Variants in ZFHX3 observed in about 807,000 individuals in gnomAD.
ZFHX3 encodes zinc finger homeobox 3.
In ZFHX3, 42 loss-of-function variants were observed where a neutral mutation model predicts 279.1. The ratio of observed to expected loss-of-function variants is 0.15; its 90% CI spans 0.12 to 0.19. ZFHX3 has a LOEUF of 0.19. Ranked by LOEUF, ZFHX3 falls within the 10% of genes least tolerant of loss-of-function variation. The pLI is 1.00. For synonymous variants in ZFHX3, 2,293 were observed against 1,957.8 expected (o/e 1.17, Z -4.52); for missense variants, 4,981 against 4,754.0 (o/e 1.05, Z -1.40).
At position 73,032,996 on chromosome 16, in the gene ZFHX3, G is replaced by C. The variant is rs1312006084; in HGVS notation, c.-50+14756C>G. On this transcript the variant is annotated intron_variant, in intron 1 of 9. Transcript: ENST00000268489. ...GGTGCCAGGCAGCAGGAGCAGGATG[G>C]GGAAGGAAGAAGGTAGATGCATGGA... is the stretch of plus-strand genomic sequence containing the variant. Among the ~76,000 whole-genome samples the C allele has an allele frequency of 5.3e-5, 8 of 152,154 alleles. 1 individual carries two copies. The East Asian group carries it at 1.5e-3, about 29-fold the overall frequency.
chr16:73,790,279 C>A (rs1305805694), intron 1 of ZFHX3, among the ~76,000 whole-genome samples: 1 of 132,816 alleles, frequency 7.5e-6, no homozygotes. Context: ...TTTTTTTTTT[C>A]ATTTTTGGAA....
chr16:73,700,307 G>C (rs1156927027), intron 1 of ZFHX3, among the ~76,000 whole-genome samples: 1 of 152,154 alleles, frequency 6.6e-6, no homozygotes, highest in Non-Finnish European at 1.5e-5. Flanking sequence ...AGATCCCAAA[G>C]CCTGCCAGAC....
At chr16:73,225,351 C>T (rs916281855) in intron 5 of ZFHX3, among the ~76,000 whole-genome samples, 1 of 152,140 alleles carries the variant, frequency 6.6e-6, no homozygotes, top group Non-Finnish European at 1.5e-5. Flanking sequence ...TGTGGTGGCT[C>T]ACACTTGTAA....
intron 2 of ZFHX3, among the ~76,000 whole-genome samples, chr16:73,648,566 G>C (rs1023564309): frequency 6.6e-6 from 1 of 151,728 alleles, no homozygotes; most frequent in African/African-American, 2.4e-5. Context: ...ATTTTTGTTT[G>C]TTTGTTTGTT....
intron 5 of ZFHX3, among the ~76,000 whole-genome samples, chr16:73,168,211 T>TTTCTTTCTTTCTTTC (rs1555502325): frequency 1.1e-5 from 1 of 95,222 alleles, no homozygotes; most frequent in Admixed American, 1.2e-4. Context: ...GTTTCTTTTG[T>TTTCTTTCTTTCTTTC]TTTCTTTCTT....
At chr16:73,125,341 G>A (rs1966551636) in intron 7 of ZFHX3, 1 of 151,856 alleles carries the variant, frequency 6.6e-6, no homozygotes, top group African/African-American at 2.4e-5. Flanking sequence ...CATTCTGGAT[G>A]TCGTACATAC....
At chr16:73,503,251 G>A (rs2019269820) in intron 2 of ZFHX3, among the ~76,000 whole-genome samples, 1 of 152,198 alleles carries the variant, frequency 6.6e-6, no homozygotes, top group Non-Finnish European at 1.5e-5. Flanking sequence ...GTGTCACATT[G>A]TAACATCTAT....
At chr16:73,550,056 G>C (rs1468306277) in intron 2 of ZFHX3, among the ~76,000 whole-genome samples, 2 of 152,000 alleles carry the variant, frequency 1.3e-5, no homozygotes, top group Non-Finnish European at 2.9e-5. Context: ...GAAGGGTGGA[G>C]GGGTGAGGGA....
intron 3 of ZFHX3, among the ~76,000 whole-genome samples, chr16:72,943,064 A>G (rs2144354795): frequency 6.6e-6 from 1 of 152,324 alleles, no homozygotes; most frequent in East Asian, 1.9e-4. Flanking sequence ...ATCATTCACA[A>G]GAGGTTCTGC....
At chr16:73,227,466 T>G (rs2012631307) in intron 5 of ZFHX3, among the ~76,000 whole-genome samples, 1 of 152,110 alleles carries the variant, frequency 6.6e-6, no homozygotes, top group Non-Finnish European at 1.5e-5. Context: ...CCTTCCATGG[T>G]GACTAGAAGA....
At chr16:73,036,151 G>GTCTC (rs758615850) in intron 1 of ZFHX3, among the ~76,000 whole-genome samples, 1 of 151,150 alleles carries the variant, frequency 6.6e-6, no homozygotes, top group African/African-American at 2.4e-5. Context: ...CTCTCTCTCT[G>GTCTC]TCTCTCTCTC....
chr16:73,337,323 G>A (rs990882648), intron 3 of ZFHX3, among the ~76,000 whole-genome samples: 1 of 152,200 alleles, frequency 6.6e-6, no homozygotes, highest in Middle Eastern at 3.4e-3. Context: ...ACGTTCTGGC[G>A]ACTGTTTTGC....
chr16:73,148,432 C>T (rs1033718743), intron 5 of ZFHX3, among the ~76,000 whole-genome samples: 1 of 152,112 alleles, frequency 6.6e-6, no homozygotes, highest in African/African-American at 2.4e-5. Context: ...TGGTTCCATG[C>T]AGCAATTTGA....
intron 5 of ZFHX3, among the ~76,000 whole-genome samples, chr16:73,206,643 A>C (rs6499620): frequency 0.93 from 141,705 of 152,244 alleles, 66,296 homozygotes; most frequent in African/African-American, 0.99. Flanking sequence ...ACATTTACAA[A>C]AATTCTCCCA....
At chr16:73,073,819 A>G (rs1965852609) in intron 8 of ZFHX3, among the ~76,000 whole-genome samples, 1 of 152,202 alleles carries the variant, frequency 6.6e-6, no homozygotes, top group African/African-American at 2.4e-5. Context: ...GTTTTGAGAC[A>G]TCGTTAGGTA....
chr16:73,509,597 T>C (rs2019389142), intron 2 of ZFHX3, among the ~76,000 whole-genome samples: 1 of 146,228 alleles, frequency 6.8e-6, no homozygotes, highest in South Asian at 2.3e-4. Context: ...CAATCTTGGC[T>C]CACTGCAACC....
chr16:73,051,475 C>G (rs1965448719), upstream of ZFHX3, among the ~76,000 whole-genome samples: 1 of 152,174 alleles, frequency 6.6e-6, no homozygotes, highest in Admixed American at 6.5e-5. Context: ...TGTGCCAAGG[C>G]CTGCACACAG....
chr16:72,941,306 A>G (rs891745170), intron 3 of ZFHX3, among the ~76,000 whole-genome samples: 1 of 152,260 alleles, frequency 6.6e-6, no homozygotes, highest in Non-Finnish European at 1.5e-5. Context: ...CAAAAACTGG[A>G]TATCATCATT....
chr16:73,188,924 C>T (rs186140401), intron 5 of ZFHX3, among the ~76,000 whole-genome samples: 6 of 149,534 alleles, frequency 4.0e-5, no homozygotes, highest in East Asian at 3.9e-4. Flanking sequence ...AGTGCAGTGG[C>T]GTGGTCTTGG....
Sources: allele counts gnomAD v4.1 joint callset (sites outside exome capture counted in the v4.1 genomes callset), GRCh38; gene constraint gnomAD v4.1.1; transcripts MANE v1.5; gene names NCBI Gene and HGNC (gene_info 2026-07-23, HGNC 2026-07-21).